The following CHD7 variants were observed in gnomAD, a reference collection of about 807,000 sequenced individuals.
CHD7 encodes chromodomain helicase DNA binding protein 7, also known as ATP-dependent chromatin remodeler CHD7.
A neutral mutation model predicts 307.3 loss-of-function variants in CHD7; 24 were observed. The ratio of observed to expected loss-of-function variants is 0.08; its 90% CI spans 0.06 to 0.11. The LOEUF (loss-of-function observed/expected upper bound fraction) is 0.11, where lower values mean the gene tolerates loss of function less well. Among genes scored for constraint, CHD7 ranks in the 10% least tolerant of loss-of-function variants. The pLI is 1.00. For missense variants in CHD7, 3,106 were observed against 3,727.1 expected (o/e 0.83, Z 4.34); for synonymous variants, 1,363 against 1,349.9 (o/e 1.01, Z -0.21).
At chr8:60,773,702 AT>A (rs1810818778) in intron 2 of CHD7, among the ~76,000 whole-genome samples, 1 of 152,084 alleles carries the variant, frequency 6.6e-6, no homozygotes, top group Non-Finnish European at 1.5e-5. Context: ...GAGCGGGCTA[AT>A]TTTTTTGTGG....
intron 3 of CHD7, among the ~76,000 whole-genome samples, chr8:60,788,025 T>C (rs1811584064): frequency 6.6e-6 from 1 of 151,998 alleles, no homozygotes; most frequent in South Asian, 2.1e-4. Flanking sequence ...TTTCACCATG[T>C]TGGCCAGGTT....
intron 2 of CHD7, among the ~76,000 whole-genome samples, chr8:60,780,255 C>T (rs1811143056): frequency 1.3e-5 from 2 of 152,170 alleles, no homozygotes; most frequent in Admixed American, 6.5e-5. Context: ...AAGATAGTCT[C>T]TGGGTGTATC....
chr8:60,700,676 AG>A (rs1310231734), intron 1 of CHD7, among the ~76,000 whole-genome samples: 1 of 152,200 alleles, frequency 6.6e-6, no homozygotes. Flanking sequence ...TTCTAATGCC[AG>A]GTCTGCTGTT....
chr8:60,683,166 T>C (rs1022091185), intron 1 of CHD7, among the ~76,000 whole-genome samples: 2 of 152,244 alleles, frequency 1.3e-5, no homozygotes, highest in African/African-American at 2.4e-5. Flanking sequence ...CATTATGGTT[T>C]CATTAGTTCA....
chr8:60,696,423 C>T (rs918764134), intron 1 of CHD7, among the ~76,000 whole-genome samples: 1 of 152,192 alleles, frequency 6.6e-6, no homozygotes, highest in Admixed American at 6.5e-5. Context: ...ATGTGACTTA[C>T]TAACTCCATG....
chr8:60,864,839 T>C (rs1806166383), intron 37 of CHD7, 177 bp from the exon 38 acceptor site: 1 of 668,152 alleles, frequency 1.5e-6, no homozygotes, highest in Non-Finnish European at 2.5e-6. Flanking sequence ...TTCAGCAAGC[T>C]AACATAATAA....
chr8:60,835,662 A>G (rs192117870), intron 15 of CHD7, among the ~76,000 whole-genome samples: 14 of 152,284 alleles, frequency 9.2e-5, no homozygotes, highest in Admixed American at 2.0e-4. Flanking sequence ...TCATTTCGGA[A>G]CAGATTTTGT....
chr8:60,808,332 C>A lies in CHD7; in HGVS notation c.2498+60C>A, dbSNP rs1194114012. Reference sequence around the variant, plus strand: ...CTATATTTTCCAAGTAGTAAACGACCATTTTTTTTTAAAGTTGGGAAATTA... The same window carrying A: ...CTATATTTTCCAAGTAGTAAACGACAATTTTTTTTTAAAGTTGGGAAATTA... On this transcript the variant is annotated intron_variant, in intron 7 of 37. Coordinates refer to ENST00000423902, the MANE Select transcript of CHD7 (RefSeq NM_017780.4). 4.0e-6 allele frequency: 4 copies of A among 1,011,634 alleles called. No homozygotes were observed. In the East Asian group the frequency reaches 7.9e-5, roughly 20 times the overall value. The allele number at this position is 1,011,634 out of a possible 1,614,324, so 62.7% of individuals were successfully genotyped here. A position where few individuals can be genotyped will look rare whatever the true frequency, so the allele number is the denominator to read the frequency against.
At chr8:60,754,925 A>G (rs945214552) in intron 2 of CHD7, among the ~76,000 whole-genome samples, 10 of 152,234 alleles carry the variant, frequency 6.6e-5, no homozygotes, top group Admixed American at 3.9e-4. Context: ...ATAATTTTAA[A>G]CTTACAAGTA....
intron 1 of CHD7, among the ~76,000 whole-genome samples, chr8:60,680,300 G>T (rs959501807): frequency 4.7e-5 from 7 of 148,894 alleles, no homozygotes; most frequent in Non-Finnish European, 1.0e-4. Context: ...TCGCACCGGG[G>T]ATTGGGCTCG....
Position 60,742,663 on chromosome 8 carries a change from C to T in CHD7, c.1231C>T (p.Pro411Ser), listed in dbSNP as rs1317536901. 1 of 1,610,550 alleles carries T rather than the reference C, an allele frequency of 6.2e-7. No individual in the cohort carries two copies. Among genetic ancestry groups the T allele is most frequent in the Non-Finnish European group, 8.5e-7 (1 of 1,177,524 alleles). The change falls in exon 2 of 38, where the codon CCA becomes TCA. Residue 411 changes from proline to serine, a missense_variant. Physicochemically the swap from Pro to Ser is moderately conservative, Grantham distance 74 (BLOSUM62 -1). Transcript: ENST00000423902. ...AMSNPAGTPP[P>S]QVRPGSAGIP... Reference sequence around the variant, plus strand: ...GAGTAATCCAGCAGGCACTCCTCCTCCACAAGTCAGGCCGGGAAGTGCTGG... The same window carrying T: ...GAGTAATCCAGCAGGCACTCCTCCTTCACAAGTCAGGCCGGGAAGTGCTGG...
intron 7 of CHD7, among the ~76,000 whole-genome samples, chr8:60,815,589 G>C (rs775068614): frequency 1.1e-4 from 16 of 152,188 alleles, no homozygotes; most frequent in Non-Finnish European, 1.6e-4. Flanking sequence ...TCCAGTTCAG[G>C]TGAGGGAAGA....
intron 2 of CHD7, among the ~76,000 whole-genome samples, chr8:60,765,045 T>G (rs1365586463): frequency 2.6e-5 from 4 of 152,178 alleles, no homozygotes; most frequent in African/African-American, 9.7e-5. Context: ...GAGTGCCCTT[T>G]TCAAGAGCAG....
At chr8:60,808,040 G>A (rs1467309556) in intron 6 of CHD7, among the ~76,000 whole-genome samples, 177 bp from the exon 7 acceptor site, 1 of 152,252 alleles carries the variant, frequency 6.6e-6, no homozygotes, top group Admixed American at 6.5e-5. Context: ...ATGGGCCTGA[G>A]CGTGGCAGTC....
intron 15 of CHD7, among the ~76,000 whole-genome samples, chr8:60,835,613 C>G (rs372323024): frequency 5.3e-5 from 8 of 152,332 alleles, no homozygotes; most frequent in African/African-American, 1.7e-4. Context: ...TACTATTGCT[C>G]TTACGCTGTA....
chr8:60,846,589 G>C (rs1377769794), intron 23 of CHD7, among the ~76,000 whole-genome samples: 1 of 152,202 alleles, frequency 6.6e-6, no homozygotes, highest in African/African-American at 2.4e-5. Flanking sequence ...TCACTTTCCT[G>C]GTGAGTCCAG....
intron 8 of CHD7, among the ~76,000 whole-genome samples, chr8:60,818,419 A>G (rs1252883393): frequency 6.6e-6 from 1 of 152,250 alleles, no homozygotes; most frequent in Non-Finnish European, 1.5e-5. Flanking sequence ...ATGTTTAAGA[A>G]CAAGTTTTCC....
chr8:60,741,776 A>G lies in CHD7; in HGVS notation c.344A>G (p.His115Arg). 6.2e-7 allele frequency: 1 copy of G among 1,613,826 alleles called. No homozygotes were observed. Among genetic ancestry groups the G allele is most frequent in the Middle Eastern group, 1.6e-4 (1 of 6,062 alleles). The change falls in exon 2 of 38, where the codon CAT (histidine) becomes CGT (arginine). Residue 115 changes from histidine (H) to arginine (R), a missense_variant. His to Arg is a conservative substitution (Grantham distance 29). Transcript: ENST00000423902. ...ACCCCTCCCGTTCCTCAGGTGCCCC[A>G]TGGTGGCAGTGGTGGCGGTCAGATG... Reference protein sequence around the residue: ...YHTPPVPQVPHGGSGGGQMGV... With the variant: ...YHTPPVPQVPRGGSGGGQMGV...
chr8:60,720,620 C>T (rs536551631), intron 1 of CHD7, among the ~76,000 whole-genome samples: 5 of 152,312 alleles, frequency 3.3e-5, no homozygotes, highest in African/African-American at 9.6e-5. Flanking sequence ...ATATCATCTC[C>T]GTGAGCCTGT....
Sources: allele counts gnomAD v4.1 joint callset (sites outside exome capture counted in the v4.1 genomes callset), GRCh38; gene constraint gnomAD v4.1.1; transcripts MANE v1.5; gene names NCBI Gene and HGNC (gene_info 2026-07-23, HGNC 2026-07-21).